BACH2: variants seen among roughly 807,000 people sequenced by gnomAD.
BACH2 encodes transcription regulator protein BACH2.
In BACH2, 5 loss-of-function variants were observed where a neutral mutation model predicts 61.8. The observed-to-expected ratio is 0.08, with a 90% CI of 0.04 to 0.17. The LOEUF (loss-of-function observed/expected upper bound fraction) is 0.17. Among genes scored for constraint, BACH2 ranks in the 10% least tolerant of loss-of-function variants. BACH2 has a pLI of 1.00. For missense variants in BACH2, 824 were observed against 1,091.1 expected, an observed-to-expected ratio of 0.76 and a Z score of 3.45; for synonymous variants, 446 against 440.1, an observed-to-expected ratio of 1.01 and a Z score of -0.17.
At chr6:90,038,652 G>A (rs1779379369) in intron 5 of BACH2, among the ~76,000 whole-genome samples, 1 of 152,124 alleles carries the variant, frequency 6.6e-6, no homozygotes, top group South Asian at 2.1e-4. Flanking sequence ...GGCCACGAGT[G>A]TCTCTTGTGT....
intron 4 of BACH2, among the ~76,000 whole-genome samples, chr6:90,145,547 G>A (rs1784587731): frequency 6.6e-6 from 1 of 152,136 alleles, no homozygotes; most frequent in African/African-American, 2.4e-5. Context: ...TTTAAAATAG[G>A]ATCAAAGCTC....
chr6:90,056,276 G>C (rs1780343945), intron 5 of BACH2, among the ~76,000 whole-genome samples: 1 of 152,118 alleles, frequency 6.6e-6, no homozygotes, highest in Non-Finnish European at 1.5e-5. Context: ...GATGGAGGAA[G>C]ATCTACCAAG....
At chr6:90,084,035 G>T (rs1781825891) in intron 5 of BACH2, among the ~76,000 whole-genome samples, 1 of 148,782 alleles carries the variant, frequency 6.7e-6, no homozygotes, top group East Asian at 2.0e-4. Flanking sequence ...CAAAACCAAA[G>T]CTATCTTGTT....
intron 1 of BACH2, among the ~76,000 whole-genome samples, chr6:90,295,973 A>C (rs1772353710): frequency 6.6e-6 from 1 of 151,890 alleles, no homozygotes. Flanking sequence ...GCAGCCCGGG[A>C]TGCGCACGCC....
At position 90,187,241 on chromosome 6, in the gene BACH2, C is replaced by T. The variant is rs894773649; in HGVS notation, c.-162+19328G>A. Among the ~76,000 whole-genome samples, 14 of 152,164 alleles carry T rather than the reference C, an allele frequency of 9.2e-5. 1 individual carries two copies. ...ATGTACCGAATATTCTATTGCACAA[C>T]AGAATCTATCTGTGGAAAGCACCCC... On this transcript the variant is annotated intron_variant, in intron 4 of 8. Transcript: ENST00000257749.
chr6:90,043,096 G>T (rs1196980190), intron 5 of BACH2, among the ~76,000 whole-genome samples: 1 of 152,132 alleles, frequency 6.6e-6, no homozygotes, highest in Non-Finnish European at 1.5e-5. Context: ...CATGAATGAG[G>T]GTGTCATTTA....
At chr6:90,191,603 T>C (rs1454408386) in intron 4 of BACH2, among the ~76,000 whole-genome samples, 1 of 152,194 alleles carries the variant, frequency 6.6e-6, no homozygotes, top group Admixed American at 6.5e-5. Context: ...AATTCAAATA[T>C]TGGATCTGCT....
intron 4 of BACH2, among the ~76,000 whole-genome samples, chr6:90,094,537 G>A (rs1782304352): frequency 6.6e-6 from 1 of 152,130 alleles, no homozygotes; most frequent in African/African-American, 2.4e-5. Flanking sequence ...GGGATCTGGA[G>A]TGACAGAAAA....
At chr6:90,126,481 A>T (rs1258460961) in intron 4 of BACH2, among the ~76,000 whole-genome samples, 6 of 152,206 alleles carry the variant, frequency 3.9e-5, no homozygotes, top group East Asian at 1.9e-4. Flanking sequence ...CGGGATGAAG[A>T]GGGGAGAAGG....
chr6:90,130,799 C>G (rs1784052744), intron 4 of BACH2, among the ~76,000 whole-genome samples: 1 of 152,238 alleles, frequency 6.6e-6, no homozygotes, highest in African/African-American at 2.4e-5. Flanking sequence ...AGCATGAAAT[C>G]TGAAGGCAAA....
At chr6:90,159,376 T>C (rs1280490551) in intron 4 of BACH2, among the ~76,000 whole-genome samples, 1 of 151,946 alleles carries the variant, frequency 6.6e-6, no homozygotes, top group Non-Finnish European at 1.5e-5. Context: ...GGGAAAAGAG[T>C]GAAAATATAT....
At chr6:90,092,280 TAA>T (rs200675044) in intron 4 of BACH2, among the ~76,000 whole-genome samples, 57 of 77,202 alleles carry the variant, frequency 7.4e-4, no homozygotes, top group African/African-American at 3.1e-3. Flanking sequence ...ACTGTCAAAG[TAA>T]AAAAAAAAAA....
chr6:90,139,071 A>C (rs1784377271), intron 4 of BACH2, among the ~76,000 whole-genome samples: 1 of 152,014 alleles, frequency 6.6e-6, no homozygotes, highest in African/African-American at 2.4e-5. Flanking sequence ...TGCCTACTTG[A>C]CTTCCTTGTT....
Position 90,045,803 on chromosome 6 carries a change from T to C in BACH2, c.-12-36947A>G, listed in dbSNP as rs139815171. ...CCTTTTGCATACTTTCTAAAATTAA[T>C]ATTTCTTTCCAAGTACACAGGGTTT... is the stretch of plus-strand genomic sequence containing the variant. On this transcript the variant is annotated intron_variant, in intron 5 of 8. Coordinates refer to ENST00000257749, the MANE Select transcript of BACH2 (RefSeq NM_021813.4). 3.8e-3 allele frequency among the ~76,000 whole-genome samples: 584 copies of C among 152,336 alleles called. 8 individuals are homozygous for C. Among genetic ancestry groups the C allele is most frequent in the African/African-American group, 0.013 (557 of 41,576 alleles).
chr6:90,284,371 G>C (rs914485655), intron 1 of BACH2, among the ~76,000 whole-genome samples: 1 of 152,180 alleles, frequency 6.6e-6, no homozygotes, highest in Non-Finnish European at 1.5e-5. Flanking sequence ...TGTTTCCTCT[G>C]ACTCGCATTT....
chr6:89,951,941 A>G lies in BACH2; in HGVS notation c.244-79T>C, dbSNP rs1774155204. 1 of 1,505,530 alleles carries G rather than the reference A, an allele frequency of 6.6e-7. No homozygotes were observed. The highest frequency in any genetic ancestry group is 9.1e-7 in the Non-Finnish European group (1 of 1,104,634). 93.3% of individuals were successfully genotyped at this position (1,505,530 alleles called of 1,614,324 possible). On this transcript the variant is annotated intron_variant, in intron 6 of 8. Transcript: ENST00000257749. The surrounding 1 kb of genome is among the most constrained non-coding windows in gnomAD (Gnocchi z 6.4). ...CGAATCCCTCAACTGAAGCAAGATA[A>G]CCAGACAGTGCTAATGTCCCAGAAT... is the stretch of plus-strand genomic sequence containing the variant.
chr6:89,943,660 T>C (rs1773569512), intron 7 of BACH2, among the ~76,000 whole-genome samples: 1 of 152,210 alleles, frequency 6.6e-6, no homozygotes, highest in Non-Finnish European at 1.5e-5. Context: ...GTCTCTGCTT[T>C]GCTGGGTGAA....
At chr6:90,177,267 C>A (rs888061102) in intron 4 of BACH2, among the ~76,000 whole-genome samples, 20 of 152,160 alleles carry the variant, frequency 1.3e-4, no homozygotes, top group African/African-American at 4.6e-4. Flanking sequence ...AACTACACTG[C>A]AGACTACTTG....
chr6:90,143,288 C>T (rs1428309721), intron 4 of BACH2, among the ~76,000 whole-genome samples: 2 of 152,138 alleles, frequency 1.3e-5, no homozygotes, highest in East Asian at 3.9e-4. Context: ...ATAGTAACAT[C>T]GATGACAATA....
Sources: allele counts gnomAD v4.1 joint callset (sites outside exome capture counted in the v4.1 genomes callset), GRCh38; gene constraint gnomAD v4.1.1; non-coding constraint Gnocchi (gnomAD v3.1); transcripts MANE v1.5; gene names NCBI Gene and HGNC (gene_info 2026-07-23, HGNC 2026-07-21).